The following MAP3K20 variants were observed in gnomAD, a reference collection of about 807,000 sequenced individuals.
MAP3K20 encodes mitogen-activated protein kinase kinase kinase 20, also known as HCCS-4.
MAP3K20 carries 40 observed loss-of-function variants against 85.7 expected under a neutral mutation model. That is an observed-to-expected ratio of 0.47 (90% CI 0.36 to 0.61). MAP3K20 has a LOEUF of 0.61. MAP3K20 is among the 20% of genes least tolerant of loss of function. The pLI is 0.00. For missense variants in MAP3K20, 817 were observed against 961.7 expected (o/e 0.85, Z 1.99); for synonymous variants, 325 against 327.7 (o/e 0.99, Z 0.09).
rs1014727551 is a variant in MAP3K20, at chr2:173,225,980, T to C, written c.988-3709T>C. 7 of 985,300 alleles carry C rather than the reference T, an allele frequency of 7.1e-6. No individual in the cohort carries two copies. In the African/African-American group the frequency reaches 1.2e-4, roughly 17 times the overall value. 61.0% of individuals were successfully genotyped at this position (985,300 alleles called of 1,614,324 possible). A position where few individuals can be genotyped will look rare whatever the true frequency, so the allele number is the denominator to read the frequency against. The stretch of plus-strand genomic sequence containing the variant: ...AGGTTAATTTAAAGCCTCCTTTTTC[T>C]ACTCATTTTTGAAAGCAAAATTACA... On this transcript the variant is annotated intron_variant, in intron 11 of 19. Coordinates refer to ENST00000375213, the MANE Select transcript of MAP3K20 (RefSeq NM_016653.3).
At chr2:173,263,407 T>C (rs1436094865) in intron 18 of MAP3K20, among the ~76,000 whole-genome samples, 2 of 152,218 alleles carry the variant, frequency 1.3e-5, no homozygotes, top group Non-Finnish European at 2.9e-5. Context: ...AAGAGGTAAG[T>C]TGAGATTTGT....
intron 10 of MAP3K20, among the ~76,000 whole-genome samples, chr2:173,216,611 T>C (rs550779878): frequency 3.2e-4 from 48 of 151,568 alleles, no homozygotes; most frequent in Admixed American, 2.6e-3. Context: ...CCAAGGAAAC[T>C]GAGACAGGTT....
At chr2:173,133,029 T>C (rs1452107967) in intron 2 of MAP3K20, among the ~76,000 whole-genome samples, 1 of 152,208 alleles carries the variant, frequency 6.6e-6, no homozygotes, top group Non-Finnish European at 1.5e-5. Context: ...AGTCCTTCAA[T>C]GTTTCTCTAC....
intron 2 of MAP3K20, among the ~76,000 whole-genome samples, chr2:173,150,491 CTGTGGATCTGTTT>C (rs1689272621): frequency 6.6e-6 from 1 of 152,202 alleles, no homozygotes; most frequent in African/African-American, 2.4e-5. Context: ...TGCTGTCAGT[CTGTGGATCTGTTT>C]TCCAGCAATT....
At position 173,232,876 on chromosome 2, in the gene MAP3K20, G is replaced by A. The variant is rs114771974; in HGVS notation, c.1203+417G>A. Among the ~76,000 whole-genome samples, 1,112 of 152,290 alleles carry A rather than the reference G, an allele frequency of 7.3e-3. 6 individuals are homozygous for A. The highest frequency in any genetic ancestry group is 0.01 in the Non-Finnish European group (704 of 68,024). ...GTTAGGGGCTGCAGATGGAAACAGT[G>A]CTATGCTGGTCATTACTGTGCTGAA... On this transcript the variant is annotated intron_variant, in intron 14 of 19. Transcript: ENST00000375213.
intron 1 of MAP3K20, among the ~76,000 whole-genome samples, chr2:173,086,794 G>A (rs768316170): frequency 1.3e-4 from 20 of 152,176 alleles, no homozygotes; most frequent in Non-Finnish European, 2.8e-4. Context: ...AGGCTTACAT[G>A]AATTCATACT....
chr2:173,199,115 A>G (rs1000384397), intron 8 of MAP3K20, among the ~76,000 whole-genome samples: 3 of 152,218 alleles, frequency 2.0e-5, no homozygotes, highest in Non-Finnish European at 4.4e-5. Flanking sequence ...GTGAATATAT[A>G]AAAATATTCC....
intron 16 of MAP3K20, among the ~76,000 whole-genome samples, chr2:173,258,483 T>G (rs1232353416): frequency 6.6e-6 from 1 of 151,912 alleles, no homozygotes; most frequent in Non-Finnish European, 1.5e-5. Flanking sequence ...AATAGAACAC[T>G]TAACACTGAT....
rs537215084 is a variant in MAP3K20, at chr2:173,221,377, A to C, written c.987+4127A>C. ...ATTCTGGGATGCAGATAAACATGCA[A>C]GCCAAGCAGAATTCTTCCAAAACCA... On this transcript the variant is annotated intron_variant, in intron 11 of 19. Coordinates refer to ENST00000375213, the MANE Select transcript of MAP3K20 (RefSeq NM_016653.3). The C allele has an allele frequency of 6.2e-6, 10 of 1,614,162 alleles. No individual in the cohort carries two copies. The South Asian group carries it at 1.1e-4, about 18-fold the overall frequency.
At chr2:173,151,564 A>G (rs1242869504) in intron 2 of MAP3K20, among the ~76,000 whole-genome samples, 1 of 152,242 alleles carries the variant, frequency 6.6e-6, no homozygotes, top group African/African-American at 2.4e-5. Flanking sequence ...TACTGTATAC[A>G]AAGGCCTAGG....
chr2:173,239,306 ATAG>A, intron 15 of MAP3K20, 95 bp from the exon 16 acceptor site: 4 of 965,324 alleles, frequency 4.1e-6, no homozygotes, highest in Non-Finnish European at 3.0e-6. Flanking sequence ...ATAGATTAGA[ATAG>A]AAAAAAAAAA....
At chr2:173,257,911 T>G (rs1458103159) in intron 16 of MAP3K20, among the ~76,000 whole-genome samples, 5 of 152,206 alleles carry the variant, frequency 3.3e-5, no homozygotes, top group Non-Finnish European at 2.9e-5. Context: ...ACGAATGGTG[T>G]AAAGCACTTT....
chr2:173,187,000 C>T (rs1690504859), intron 4 of MAP3K20, among the ~76,000 whole-genome samples: 3 of 152,082 alleles, frequency 2.0e-5, no homozygotes, highest in African/African-American at 7.2e-5. Context: ...TATTTACCAA[C>T]CGTAACTAAT....
chr2:173,123,385 C>G (rs555567634), intron 2 of MAP3K20, among the ~76,000 whole-genome samples: 1 of 152,156 alleles, frequency 6.6e-6, no homozygotes, highest in Non-Finnish European at 1.5e-5. Context: ...AAGGGTCTTG[C>G]AGGTTTTTGA....
chr2:173,110,160 G>C (rs1396341619), intron 2 of MAP3K20, among the ~76,000 whole-genome samples: 18 of 115,696 alleles, frequency 1.6e-4, no homozygotes, highest in Non-Finnish European at 2.7e-4. Context: ...AATACAACTT[G>C]ATATATATAA....
In MAP3K20 at chr2:173,164,002, G is replaced by A. The variant is rs186670712; in HGVS notation, c.160-5803G>A. ...CTGAGACGGAGTCTAGCTCTGTCGC[G>A]AGGCTGGAGTGCAGTGGTGCAATCT... On this transcript the variant is annotated intron_variant, in intron 2 of 19. Transcript: ENST00000375213. 4.6e-3 allele frequency among the ~76,000 whole-genome samples: 692 copies of A among 150,718 alleles called. 6 individuals are homozygous for A. The highest frequency in any genetic ancestry group is 0.03 in the South Asian group (143 of 4,764).
intron 2 of MAP3K20, among the ~76,000 whole-genome samples, chr2:173,092,990 AGG>A (rs1469223905): frequency 1.3e-5 from 2 of 152,196 alleles, no homozygotes; most frequent in African/African-American, 2.4e-5. Flanking sequence ...ATAAACCTGT[AGG>A]TAGGAAAAAC....
intron 2 of MAP3K20, among the ~76,000 whole-genome samples, chr2:173,144,329 G>A (rs1689064015): frequency 1.3e-5 from 2 of 151,852 alleles, no homozygotes; most frequent in Admixed American, 6.6e-5. Context: ...CGGGCGTGGT[G>A]GTGGGCACCT....
At chr2:173,203,408 C>G (rs1470094889) in intron 8 of MAP3K20, among the ~76,000 whole-genome samples, 1 of 152,196 alleles carries the variant, frequency 6.6e-6, no homozygotes, top group Non-Finnish European at 1.5e-5. Context: ...CAAAGCTAAA[C>G]TGGTTTCTAG....
Sources: allele counts gnomAD v4.1 joint callset (sites outside exome capture counted in the v4.1 genomes callset), GRCh38; gene constraint gnomAD v4.1.1; transcripts MANE v1.5; gene names NCBI Gene and HGNC (gene_info 2026-07-23, HGNC 2026-07-21).